The following ADCY8 variants were observed in gnomAD, a reference collection of about 807,000 sequenced individuals.
The protein encoded by ADCY8 is adenylate cyclase 8, also known as adenylate cyclase type 8.
In ADCY8, 51 loss-of-function variants were observed where a neutral mutation model predicts 119.7. The observed-to-expected ratio is 0.43, with a 90% CI of 0.34 to 0.54. The LOEUF is 0.54. Ranked by LOEUF, ADCY8 falls within the 20% of genes least tolerant of loss-of-function variation. ADCY8 has a pLI of 0.03. For synonymous variants in ADCY8, 665 were observed against 651.0 expected (o/e 1.02, Z -0.33); for missense variants, 1,383 against 1,598.8 (o/e 0.87, Z 2.30).
intron 10 of ADCY8, among the ~76,000 whole-genome samples, chr8:130,848,144 C>A (rs146030930): frequency 6.6e-5 from 10 of 152,238 alleles, no homozygotes; most frequent in Admixed American, 5.2e-4. Context: ...AGTAAAGTAA[C>A]TTGTCCAGTG....
intron 5 of ADCY8, among the ~76,000 whole-genome samples, chr8:130,933,909 T>C (rs1031331499): frequency 3.3e-5 from 5 of 152,252 alleles, no homozygotes; most frequent in African/African-American, 1.2e-4. Context: ...TATGTGGCTA[T>C]AAATCACAGA....
chr8:130,992,291 G>T (rs977121720), intron 1 of ADCY8, among the ~76,000 whole-genome samples: 3 of 147,608 alleles, frequency 2.0e-5, no homozygotes, highest in African/African-American at 7.6e-5. Context: ...TGTTGGCCAG[G>T]CTGGTAGGTC....
chr8:130,814,633 C>T (rs1487922756), intron 13 of ADCY8, among the ~76,000 whole-genome samples: 2 of 152,142 alleles, frequency 1.3e-5, no homozygotes, highest in Non-Finnish European at 2.9e-5. Context: ...GGAGGCCTCA[C>T]AATCATGGTG....
intron 5 of ADCY8, among the ~76,000 whole-genome samples, chr8:130,929,733 T>C (rs1820577050): frequency 6.6e-6 from 1 of 152,216 alleles, no homozygotes; most frequent in Non-Finnish European, 1.5e-5. Flanking sequence ...AACTGGGATG[T>C]TGAAGTCCTC....
intron 12 of ADCY8, among the ~76,000 whole-genome samples, chr8:130,826,693 G>A (rs576657568): frequency 1.4e-5 from 2 of 143,398 alleles, no homozygotes; most frequent in African/African-American, 5.0e-5. Flanking sequence ...CCTCTGAGAA[G>A]CCCCTACACA....
At chr8:130,794,645 CCAAGTGTATTAGTCTGCT>C (rs1815524640) in intron 15 of ADCY8, among the ~76,000 whole-genome samples, 1 of 152,154 alleles carries the variant, frequency 6.6e-6, no homozygotes, top group Non-Finnish European at 1.5e-5. Flanking sequence ...TAGTTATGTG[CCAAGTGTATTAGTCTGCT>C]CAAGCAGCCA....
intron 13 of ADCY8, among the ~76,000 whole-genome samples, chr8:130,816,409 C>CTTAA: frequency 6.8e-6 from 1 of 146,432 alleles, no homozygotes; most frequent in Non-Finnish European, 1.5e-5. Context: ...ACACATATTT[C>CTTAA]TTAATTAATT....
chr8:130,926,377 T>C (rs180909124), intron 5 of ADCY8, among the ~76,000 whole-genome samples: 1 of 152,186 alleles, frequency 6.6e-6, no homozygotes, highest in Non-Finnish European at 1.5e-5. Context: ...AAAAGGCAAA[T>C]GACAGGGAAA....
chr8:130,886,911 A>C (rs1278797812), intron 7 of ADCY8, among the ~76,000 whole-genome samples: 1 of 152,012 alleles, frequency 6.6e-6, no homozygotes, highest in Non-Finnish European at 1.5e-5. Context: ...ATTTCTTTAA[A>C]TTTCAGTAGC....
intron 7 of ADCY8, among the ~76,000 whole-genome samples, chr8:130,890,969 G>A (rs1239744025): frequency 6.6e-6 from 1 of 152,166 alleles, no homozygotes; most frequent in African/African-American, 2.4e-5. Flanking sequence ...TAGCGAGAAC[G>A]CCAGGCTCAG....
chr8:130,810,733 T>G (rs537613619), intron 14 of ADCY8, among the ~76,000 whole-genome samples: 1 of 152,318 alleles, frequency 6.6e-6, no homozygotes, highest in African/African-American at 2.4e-5. Context: ...TGTTTAAATA[T>G]TTATAAAATC....
At position 130,982,119 on chromosome 8, in the gene ADCY8, G is replaced by A. The variant is rs191296126; in HGVS notation, c.1110+8274C>T. On this transcript the variant is annotated intron_variant, in intron 2 of 17. Transcript: ENST00000286355. ...TAGGAAGATTGCAAAGAACCAGGCA[G>A]CCAGATGGAACACAAGAGCTGGTGT... is the stretch of plus-strand genomic sequence containing the variant. Among the ~76,000 whole-genome samples, 173 of 152,336 alleles carry A rather than the reference G, an allele frequency of 1.1e-3. 1 individual carries two copies. The highest frequency in any genetic ancestry group is 2.1e-3 in the South Asian group (10 of 4,832).
chr8:130,911,740 T>TA lies in ADCY8; in HGVS notation c.1482-1875_1482-1874insT, dbSNP rs1819987738. Among the ~76,000 whole-genome samples the TA allele has an allele frequency of 2.7e-5, 4 of 150,318 alleles. No individual in the cohort carries two copies. The South Asian group carries it at 8.3e-4, about 31-fold the overall frequency. On this transcript the variant is annotated intron_variant, in intron 5 of 17. Transcript: ENST00000286355. The stretch of plus-strand genomic sequence containing the variant: ...TATTATGTATATTTTATGGTATATA[T>TA]TTTTAAACATATGAATATAATTAAA...
chr8:130,801,021 A>G (rs1220361846), intron 14 of ADCY8, among the ~76,000 whole-genome samples: 5 of 152,122 alleles, frequency 3.3e-5, no homozygotes, highest in African/African-American at 4.8e-5. Context: ...ACCTCCTAAT[A>G]CCATCACCTT....
chr8:130,983,150 C>T (rs1822288664), intron 2 of ADCY8, among the ~76,000 whole-genome samples: 1 of 152,168 alleles, frequency 6.6e-6, no homozygotes, highest in African/African-American at 2.4e-5. Context: ...TTAAGGTACT[C>T]AACAATGGAT....
chr8:130,992,394 T>TTGAGC lies in ADCY8; in HGVS notation c.961-1853_961-1852insGCTCA, dbSNP rs1238639646. Among the ~76,000 whole-genome samples the TTGAGC allele has an allele frequency of 2.1e-4, 25 of 117,826 alleles. 3 individuals are homozygous for TTGAGC. Among genetic ancestry groups the TTGAGC allele is most frequent in the African/African-American group, 9.3e-4 (23 of 24,808 alleles). The allele number at this position is 117,826 out of a possible 152,430, so 77.3% of individuals were successfully genotyped here. On this transcript the variant is annotated intron_variant, in intron 1 of 17. Transcript: ENST00000286355. ...CAACTGTATCTGGCATATATATATATATATATATATATATATATATATATA... is the reference window on the plus strand; with the variant it reads ...CAACTGTATCTGGCATATATATATATTGAGCATATATATATATATATATATATATA...
At chr8:130,984,006 T>C (rs913228368) in intron 2 of ADCY8, among the ~76,000 whole-genome samples, 6 of 152,258 alleles carry the variant, frequency 3.9e-5, no homozygotes, top group Non-Finnish European at 8.8e-5. Flanking sequence ...AGCTGGCTAC[T>C]GTGGGCTCAC....
At chr8:131,027,347 C>G (rs1169784976) in intron 1 of ADCY8, among the ~76,000 whole-genome samples, 2 of 152,176 alleles carry the variant, frequency 1.3e-5, no homozygotes, top group Non-Finnish European at 2.9e-5. Context: ...CTAGAAAACA[C>G]ACACAGGCAG....
chr8:130,969,047 A>G (rs1586616517), intron 2 of ADCY8, among the ~76,000 whole-genome samples: 1 of 152,200 alleles, frequency 6.6e-6, no homozygotes, highest in Non-Finnish European at 1.5e-5. Flanking sequence ...GACTGTGTGA[A>G]GGTTAACTTT....
Sources: gnomAD v4.1 joint callset for allele counts (sites outside exome capture counted in the v4.1 genomes callset) on GRCh38, gnomAD v4.1.1 for gene constraint, MANE v1.5 for transcripts, NCBI Gene and HGNC (gene_info 2026-07-23, HGNC 2026-07-21) for gene names.